Variants in CCDC138 observed in about 807,000 individuals in gnomAD.
CCDC138 encodes coiled-coil domain containing 138.
A neutral mutation model predicts 82.3 loss-of-function variants in CCDC138; 66 were observed. The ratio of observed to expected loss-of-function variants is 0.80; its 90% CI spans 0.66 to 0.98. CCDC138 has a LOEUF of 0.98. Among genes scored for constraint, CCDC138 ranks in the 50% least tolerant of loss-of-function variants. The pLI is 0.00. For missense variants in CCDC138, 816 were observed against 758.9 expected (o/e 1.08, Z -0.88); for synonymous variants, 297 against 265.4 (o/e 1.12, Z -1.16).
In CCDC138 at chr2:108,856,889, A is replaced by G. The variant is rs140442185; in HGVS notation, c.1612A>G (p.Ile538Val). The change falls in exon 13 of 15, where the codon ATA becomes GTA. Residue 538 changes from isoleucine to valine, a missense_variant. By Grantham distance (29) the Ile-to-Val change is conservative. Coordinates refer to ENST00000295124, the MANE Select transcript of CCDC138 (RefSeq NM_144978.3). The part of the protein sequence containing the change: ...LFLEYQAVPV[I>V]LSHLRISSKG... ...TTTGGAGTATCAGGCTGTTCCAGTAATATTAAGTCATCTAAGAATATCCAG... is the reference window on the plus strand; with the variant it reads ...TTTGGAGTATCAGGCTGTTCCAGTAGTATTAAGTCATCTAAGAATATCCAG... The G allele has an allele frequency of 1.1e-5, 17 of 1,613,242 alleles. No homozygotes were observed. Among genetic ancestry groups the G allele is most frequent in the Non-Finnish European group, 1.4e-5 (17 of 1,179,592 alleles).
Position 108,812,615 on chromosome 2 carries a change from T to G in CCDC138, c.856-16T>G. On this transcript the variant is annotated splice_polypyrimidine_tract_variant and intron_variant, in intron 7 of 14. Transcript: ENST00000295124. Reference sequence around the variant, plus strand: ...GAAGGTGTATATTGAAATATCTAACTTTTTCTACCCTTTAGTTAAATGAAG... The same window carrying G: ...GAAGGTGTATATTGAAATATCTAACGTTTTCTACCCTTTAGTTAAATGAAG... 6.2e-7 allele frequency: 1 copy of G among 1,600,902 alleles called. No homozygotes were observed. The highest frequency in any genetic ancestry group is 8.6e-7 in the Non-Finnish European group (1 of 1,168,600).
intron 4 of CCDC138, among the ~76,000 whole-genome samples, chr2:108,792,695 A>C (rs1680096640): frequency 6.6e-6 from 1 of 152,186 alleles, no homozygotes; most frequent in Admixed American, 6.5e-5. Context: ...TGTCTGTTCA[A>C]AATGGAGTAT....
At chr2:108,873,656 G>A (rs1695606903) in intron 14 of CCDC138, 67 bp downstream of exon 14, 1 of 1,155,452 alleles carries the variant, frequency 8.7e-7, no homozygotes, top group East Asian at 2.6e-5. Context: ...TAAACCAGGG[G>A]TTTTAATCTT....
chr2:108,872,112 C>T (rs1695349490), intron 13 of CCDC138, among the ~76,000 whole-genome samples: 1 of 152,168 alleles, frequency 6.6e-6, no homozygotes, highest in African/African-American at 2.4e-5. Context: ...TTTTTAATCT[C>T]TTTTGCTTTT....
Position 108,861,472 on chromosome 2 carries a change from C to CTTTTTTTTTTTTTTT in CCDC138, c.1693+4514_1693+4528dup, listed in dbSNP as rs201132350. Among the ~76,000 whole-genome samples, 10 of 123,516 alleles carry CTTTTTTTTTTTTTTT rather than the reference C, an allele frequency of 8.1e-5. 1 individual carries two copies. The South Asian group carries it at 1.1e-3, about 14-fold the overall frequency. The allele number at this position is 123,516 out of a possible 152,430, so 81.0% of individuals were successfully genotyped here. A position where few individuals can be genotyped will look rare whatever the true frequency, so the allele number is the denominator to read the frequency against. On this transcript the variant is annotated intron_variant, in intron 13 of 14. Transcript: ENST00000295124. Reference sequence around the variant, plus strand: ...ACATTTAGCACTATAAACTTTCTTCCTTTTTTTTTTTTTTTTTTTTTTTTT... The same window carrying CTTTTTTTTTTTTTTT: ...ACATTTAGCACTATAAACTTTCTTCCTTTTTTTTTTTTTTTTTTTTTTTTTTTTTTTTTTTTTTTT...
At chr2:108,855,617 T>C (rs1171966232) in intron 12 of CCDC138, among the ~76,000 whole-genome samples, 1 of 152,204 alleles carries the variant, frequency 6.6e-6, no homozygotes, top group Non-Finnish European at 1.5e-5. Context: ...TACAGTAATG[T>C]TGGTGTTCCT....
chr2:108,855,541 A>C (rs1478980057), intron 12 of CCDC138, among the ~76,000 whole-genome samples: 2 of 152,150 alleles, frequency 1.3e-5, no homozygotes, highest in Non-Finnish European at 2.9e-5. Context: ...GAATCACAGA[A>C]TCTAGCAACT....
intron 10 of CCDC138, among the ~76,000 whole-genome samples, chr2:108,825,153 G>A (rs1175402317): frequency 1.3e-5 from 2 of 152,114 alleles, no homozygotes; most frequent in Non-Finnish European, 2.9e-5. Context: ...AGTTAATAGC[G>A]TAAATAATAG....
At chr2:108,821,814 G>A (rs1243080770) in intron 10 of CCDC138, among the ~76,000 whole-genome samples, 3 of 151,674 alleles carry the variant, frequency 2.0e-5, no homozygotes, top group Admixed American at 6.6e-5. Context: ...GCGTAGTGGT[G>A]GGTGCCTATA....
chr2:108,883,844 A>C (rs550583680), intron 2 of CCDC138: 1 of 152,150 alleles, frequency 6.6e-6, no homozygotes, highest in African/African-American at 2.4e-5. Context: ...TAAATTACGC[A>C]CCTTGAGGGT....
rs761874029 is a variant in CCDC138 at position 108,812,894 on chromosome 2, A to T, written c.1008A>T (p.Lys336Asn). The T allele has an allele frequency of 7.4e-6, 12 of 1,613,786 alleles. No homozygotes were observed. Among genetic ancestry groups the T allele is most frequent in the South Asian group, 1.1e-5 (1 of 91,050 alleles). Residue 336 changes from lysine to asparagine, a missense_variant, in exon 9 of 15, where the codon AAA (lysine) becomes AAT (asparagine). Physicochemically the swap from Lys to Asn is moderately conservative, Grantham distance 94. Coordinates refer to ENST00000295124, the MANE Select transcript of CCDC138 (RefSeq NM_144978.3). ...CTGTTCATGAAATGAAAAGTTTAAA[A>T]CAAGAAAAAGCACCAGTTTCAAAAA... is the stretch of plus-strand genomic sequence containing the variant. Reference protein sequence around the residue: ...SHAVHEMKSLKQEKAPVSKTY... With the variant: ...SHAVHEMKSLNQEKAPVSKTY...
At chr2:108,794,743 G>A (rs201527854) in intron 5 of CCDC138, 22 bp downstream of exon 5, 109 of 1,509,876 alleles carry the variant, frequency 7.2e-5, no homozygotes, top group Middle Eastern at 1.7e-4. Flanking sequence ...ATACTGAATC[G>A]AGAATTCAGA....
At chr2:108,826,264 A>G (rs571029546) in intron 10 of CCDC138, among the ~76,000 whole-genome samples, 2 of 152,334 alleles carry the variant, frequency 1.3e-5, no homozygotes, top group South Asian at 2.1e-4. Context: ...AAATTTTTAT[A>G]AAGTCCAATT....
At chr2:108,818,780 CA>C (rs1259969874) in intron 10 of CCDC138, among the ~76,000 whole-genome samples, 1 of 151,150 alleles carries the variant, frequency 6.6e-6, no homozygotes, top group Non-Finnish European at 1.5e-5. Flanking sequence ...AATATTTTAG[CA>C]AAGTAATCTC....
At chr2:108,805,920 G>A (rs1435270243) in intron 7 of CCDC138, among the ~76,000 whole-genome samples, 10 of 152,076 alleles carry the variant, frequency 6.6e-5, no homozygotes, top group African/African-American at 2.4e-4. Flanking sequence ...GTAGATGTTG[G>A]AGCAGAAATT....
rs1299672212 is a variant in CCDC138 at position 108,876,476 on chromosome 2, T to C, written c.*223T>C. On this transcript the variant is annotated 3_prime_UTR_variant, in exon 15 of 15. Transcript: ENST00000295124. The stretch of plus-strand genomic sequence containing the variant: ...ATACTAATATACAAGATGGCGTTTC[T>C]AGAATGTATGACACTGAAGTGACTT... The C allele has an allele frequency of 9.2e-6, 3 of 326,962 alleles. No individual in the cohort carries two copies. Among genetic ancestry groups the C allele is most frequent in the East Asian group, 9.5e-5 (2 of 21,022 alleles). The allele number at this position is 326,962 out of a possible 1,614,324, so 20.3% of individuals were successfully genotyped here.
intron 6 of CCDC138, among the ~76,000 whole-genome samples, chr2:108,800,848 A>G (rs1223584355): frequency 6.5e-5 from 8 of 122,502 alleles, no homozygotes; most frequent in African/African-American, 1.9e-4. Flanking sequence ...TCATTGTTCA[A>G]TTCCCACCTA....
Position 108,796,072 on chromosome 2 carries a change from C to T in CCDC138, c.576+1351C>T, listed in dbSNP as rs529205032. ...TATTTATTTATTTATTTTTTTGAGA[C>T]GGAGTCTCACTCTGTGCCCAGGCTG... On this transcript the variant is annotated intron_variant, in intron 5 of 14. Transcript: ENST00000295124. Among the ~76,000 whole-genome samples the T allele has an allele frequency of 3.3e-5, 5 of 152,148 alleles. No homozygotes were observed. In the East Asian group the frequency reaches 7.7e-4, roughly 24 times the overall value.
intron 11 of CCDC138, among the ~76,000 whole-genome samples, chr2:108,840,211 T>G (rs1486399296): frequency 6.6e-6 from 1 of 152,178 alleles, no homozygotes; most frequent in East Asian, 1.9e-4. Context: ...TGTTTAATTC[T>G]TTTTATATGT....
Sources: gnomAD v4.1 joint callset for allele counts (sites outside exome capture counted in the v4.1 genomes callset) on GRCh38, gnomAD v4.1.1 for gene constraint, MANE v1.5 for transcripts, NCBI Gene and HGNC (gene_info 2026-07-23, HGNC 2026-07-21) for gene names.